KLHL36: variants seen among roughly 807,000 people sequenced by gnomAD.
The protein encoded by KLHL36 is kelch-like protein 36.
In KLHL36, 35 loss-of-function variants were observed where a neutral mutation model predicts 53.3. That is an observed-to-expected ratio of 0.66 (90% CI 0.50 to 0.87). The LOEUF (loss-of-function observed/expected upper bound fraction) is 0.87. Ranked by LOEUF, KLHL36 falls within the 40% of genes least tolerant of loss-of-function variation. KLHL36 has a pLI of 0.00. For synonymous variants in KLHL36, 472 were observed against 398.9 expected (o/e 1.18, Z -2.18); for missense variants, 864 against 897.6 (o/e 0.96, Z 0.48).
intron 2 of KLHL36, among the ~76,000 whole-genome samples, chr16:84,654,220 C>A (rs1387001589): frequency 2.0e-5 from 3 of 152,244 alleles, no homozygotes; most frequent in African/African-American, 7.2e-5. Flanking sequence ...CCCTCATATG[C>A]GTCTCTCAGG....
rs1907531660 is a variant in KLHL36, at chr16:84,661,320, G to A, written c.1296-258G>A. Reference sequence around the variant, plus strand: ...TGTGATTATTCCCATTTCCCAGATGGGGCAAGGGAGACTCAGAGAGAGTGA... The same window carrying A: ...TGTGATTATTCCCATTTCCCAGATGAGGCAAGGGAGACTCAGAGAGAGTGA... On this transcript the variant is annotated intron_variant, in intron 4 of 4. Coordinates refer to ENST00000564996, the MANE Select transcript of KLHL36 (RefSeq NM_024731.4). The surrounding 1 kb of genome is among the most constrained non-coding windows in gnomAD (Gnocchi z 7.9). Among the ~76,000 whole-genome samples, 1 of 152,282 alleles carries A rather than the reference G, an allele frequency of 6.6e-6. No homozygotes were observed. The highest frequency in any genetic ancestry group is 1.9e-4 in the East Asian group (1 of 5,184).
chr16:84,653,330 T>C lies in KLHL36; in HGVS notation c.63+2400T>C, dbSNP rs540178907. Among the ~76,000 whole-genome samples the C allele has an allele frequency of 7.9e-5, 12 of 152,276 alleles. No individual in the cohort carries two copies. The East Asian group carries it at 1.9e-3, about 24-fold the overall frequency. ...CCCCGACAACCTGAGTTTCTCCCTC[T>C]ACTTGGCCTTGCATCTGATTAAGGC... On this transcript the variant is annotated intron_variant, in intron 2 of 4. Coordinates refer to ENST00000564996, the MANE Select transcript of KLHL36 (RefSeq NM_024731.4).
rs1237796961 is a variant in KLHL36 at position 84,659,900 on chromosome 16, T to C, written c.1278T>C (p.Tyr426=). ...GTCCCAAGACTGACTCCTGGTCCTA[T>C]GTGGCCGGCTTGCCAAGGTGATCTG... The part of the protein sequence containing the change: ...TYSPKTDSWS[Y]VAGLPRFTYG... Residue 426 remains tyrosine (Y), a synonymous_variant, in exon 4 of 5, where the codon TAT becomes TAC. Transcript: ENST00000564996. 6.2e-7 allele frequency: 1 copy of C among 1,607,316 alleles called. No homozygotes were observed. The highest frequency in any genetic ancestry group is 2.2e-5 in the East Asian group (1 of 44,642).
At chr16:84,652,703 G>A (rs766069302) in intron 2 of KLHL36, among the ~76,000 whole-genome samples, 40 of 152,172 alleles carry the variant, frequency 2.6e-4, no homozygotes, top group Non-Finnish European at 1.8e-4. Flanking sequence ...CAAGATAGTC[G>A]CTGTCCCAAC....
At chr16:84,653,568 C>T (rs1451845627) in intron 2 of KLHL36, among the ~76,000 whole-genome samples, 2 of 152,120 alleles carry the variant, frequency 1.3e-5, no homozygotes, top group East Asian at 3.8e-4. Context: ...TCGAGGCCAA[C>T]ATGGTGAAAC....
At position 84,661,227 on chromosome 16, in the gene KLHL36, G is replaced by A. The variant is rs4782650; in HGVS notation, c.1296-351G>A. ...TTTCCTCTTTGATGTGTGATTCATCGGGTGCATGTGTGCCTGCTAGCTCAT... is the reference window on the plus strand; with the variant it reads ...TTTCCTCTTTGATGTGTGATTCATCAGGTGCATGTGTGCCTGCTAGCTCAT... On this transcript the variant is annotated intron_variant, in intron 4 of 4. Transcript: ENST00000564996. The surrounding 1 kb of genome is among the most constrained non-coding windows in gnomAD (Gnocchi z 7.9). Among the ~76,000 whole-genome samples the A allele has an allele frequency of 0.032, 4,838 of 152,248 alleles. 105 individuals are homozygous for A. Among genetic ancestry groups the A allele is most frequent in the Non-Finnish European group, 0.05 (3,399 of 68,018 alleles).
Position 84,650,785 on chromosome 16 carries a change from A to C in KLHL36, c.-16-67A>C. On this transcript the variant is annotated intron_variant, in intron 1 of 4. Coordinates refer to ENST00000564996, the MANE Select transcript of KLHL36 (RefSeq NM_024731.4). The stretch of plus-strand genomic sequence containing the variant: ...ACTGTCATCCTTGGTATCTGCTAGC[A>C]GGGCCTGAAATTAATGAATGACCTA... 6 of 1,136,512 alleles carry C rather than the reference A, an allele frequency of 5.3e-6. No individual in the cohort carries two copies. In the South Asian group the frequency reaches 7.8e-5, roughly 15 times the overall value. The allele number at this position is 1,136,512 out of a possible 1,614,324, so 70.4% of individuals were successfully genotyped here. A position where few individuals can be genotyped will look rare whatever the true frequency, so the allele number is the denominator to read the frequency against.
intron 1 of KLHL36, among the ~76,000 whole-genome samples, chr16:84,650,614 A>T (rs1324943199): frequency 1.4e-4 from 22 of 152,202 alleles, no homozygotes; most frequent in Non-Finnish European, 2.9e-5. Context: ...GAACCAAATG[A>T]CATGATATCA....
intron 3 of KLHL36, chr16:84,659,523 C>A: frequency 6.1e-6 from 3 of 495,838 alleles, no homozygotes; most frequent in Non-Finnish European, 1.1e-5. Context: ...ATCTCCATCC[C>A]CCTTTTGGGG....
rs138423669 is a variant in KLHL36, at chr16:84,651,615, C to A, written c.63+685C>A. ...CCCCGTTATAAATATTCGTAATGCCCTCTGTTCTTTAGAGGTATCCCTTTT... is the reference window on the plus strand; with the variant it reads ...CCCCGTTATAAATATTCGTAATGCCATCTGTTCTTTAGAGGTATCCCTTTT... On this transcript the variant is annotated intron_variant, in intron 2 of 4. Transcript: ENST00000564996. Among the ~76,000 whole-genome samples, 78 of 152,272 alleles carry A rather than the reference C, an allele frequency of 5.1e-4. 2 individuals carry two copies. The East Asian group carries it at 0.015, about 29-fold the overall frequency.
rs1907529521 is a variant in KLHL36 at position 84,661,285 on chromosome 16, G to T, written c.1296-293G>T. Among the ~76,000 whole-genome samples, 2 of 152,232 alleles carry T rather than the reference G, an allele frequency of 1.3e-5. No individual in the cohort carries two copies. The highest frequency in any genetic ancestry group is 4.1e-4 in the South Asian group (2 of 4,834). On this transcript the variant is annotated intron_variant, in intron 4 of 4. Transcript: ENST00000564996. The surrounding 1 kb of genome is among the most constrained non-coding windows in gnomAD (Gnocchi z 7.9). The stretch of plus-strand genomic sequence containing the variant: ...GTCGTTTCCAGCCATTGTGAAAAGG[G>T]TGATGGTCCTGTGATTATTCCCATT...
chr16:84,662,390 A>T lies in KLHL36; in HGVS notation c.*257A>T. ...TCTTCACAGGTCTTTGCCCCGTGTTATGATTCCTCATGGGTCCTTGCTGAC... is the reference window on the plus strand; with the variant it reads ...TCTTCACAGGTCTTTGCCCCGTGTTTTGATTCCTCATGGGTCCTTGCTGAC... On this transcript the variant is annotated 3_prime_UTR_variant, in exon 5 of 5. Transcript: ENST00000564996. 1.4e-5 allele frequency: 5 copies of T among 351,238 alleles called. No individual in the cohort carries two copies. In the South Asian group the frequency reaches 2.0e-4, roughly 14 times the overall value. 21.8% of individuals were successfully genotyped at this position (351,238 alleles called of 1,614,324 possible). A position where few individuals can be genotyped will look rare whatever the true frequency, so the allele number is the denominator to read the frequency against.
chr16:84,662,741 C>T lies in KLHL36; in HGVS notation c.*608C>T, dbSNP rs899000264. ...CCCATGAGGGTGAGTGAGTGAGTGA[C>T]CAGGGGCCACGCAGCTCGCTAGACT... On this transcript the variant is annotated 3_prime_UTR_variant, in exon 5 of 5. Coordinates refer to ENST00000564996, the MANE Select transcript of KLHL36 (RefSeq NM_024731.4). The T allele has an allele frequency of 6.6e-6, 1 of 152,216 alleles. No individual in the cohort carries two copies. Among genetic ancestry groups the T allele is most frequent in the Non-Finnish European group, 1.5e-5 (1 of 68,078 alleles). 9.4% of individuals were successfully genotyped at this position (152,216 alleles called of 1,614,324 possible).
intron 3 of KLHL36, chr16:84,658,244 C>T (rs1337454394): frequency 1.4e-5 from 4 of 282,612 alleles, no homozygotes; most frequent in Non-Finnish European, 2.6e-5. Flanking sequence ...CCGCATGTGG[C>T]GACTGAGCAC....
intron 2 of KLHL36, among the ~76,000 whole-genome samples, chr16:84,655,919 G>T (rs1458134628): frequency 6.6e-6 from 1 of 150,822 alleles, no homozygotes; most frequent in African/African-American, 2.4e-5. Context: ...TAGAGACAGG[G>T]TTTCTTTTTG....
intron 1 of KLHL36, among the ~76,000 whole-genome samples, chr16:84,650,020 C>T (rs781000705): frequency 1.9e-4 from 29 of 151,234 alleles, no homozygotes; most frequent in South Asian, 1.5e-3. Context: ...TGATCCCCCA[C>T]CCAAGAGCCA....
chr16:84,657,712 G>C lies in KLHL36; in HGVS notation c.905G>C (p.Gly302Ala). Residue 302 changes from glycine (G) to alanine (A), a missense_variant, in exon 3 of 5, where the codon GGC becomes GCC. Gly to Ala is a moderately conservative substitution (Grantham distance 60). Coordinates refer to ENST00000564996, the MANE Select transcript of KLHL36 (RefSeq NM_024731.4). ...CAGGAGCGCCTGCTGTTTGTGGGCG[G>C]CGAGGTCTCCGAGCGGTGTCTGGAG... is the stretch of plus-strand genomic sequence containing the variant. ...TNQERLLFVG[G>A]EVSERCLELS... is the part of the protein sequence containing the mutation. 1 of 1,612,620 alleles carries C rather than the reference G, an allele frequency of 6.2e-7. No individual in the cohort carries two copies. Among genetic ancestry groups the C allele is most frequent in the Non-Finnish European group, 8.5e-7 (1 of 1,179,774 alleles).
At chr16:84,654,562 G>A (rs1223947049) in intron 2 of KLHL36, among the ~76,000 whole-genome samples, 1 of 151,888 alleles carries the variant, frequency 6.6e-6, no homozygotes, top group African/African-American at 2.4e-5. Context: ...TGAAGTGGAG[G>A]GATTGCTTGA....
chr16:84,660,263 C>T (rs1422443413), intron 4 of KLHL36, among the ~76,000 whole-genome samples: 1 of 152,128 alleles, frequency 6.6e-6, no homozygotes, highest in East Asian at 1.9e-4. Context: ...TGTGCTAGAT[C>T]TAAGCCTCAG....
Sources: allele counts gnomAD v4.1 joint callset (sites outside exome capture counted in the v4.1 genomes callset), GRCh38; gene constraint gnomAD v4.1.1; non-coding constraint Gnocchi (gnomAD v3.1); transcripts MANE v1.5; gene names NCBI Gene and HGNC (gene_info 2026-07-23, HGNC 2026-07-21).